ZNF451: variants seen among roughly 807,000 people sequenced by gnomAD.
ZNF451 encodes the protein E3 SUMO-protein ligase ZNF451.
ZNF451 carries 80 observed loss-of-function variants against 107.1 expected under a neutral mutation model. That is an observed-to-expected ratio of 0.75 (90% CI 0.62 to 0.90). ZNF451 has a LOEUF of 0.90. Ranked by LOEUF, ZNF451 falls within the 40% of genes least tolerant of loss-of-function variation. ZNF451 has a pLI of 0.00. For synonymous variants in ZNF451, 362 were observed against 406.5 expected, an observed-to-expected ratio of 0.89 and a Z score of 1.32; for missense variants, 1,107 against 1,236.2, an observed-to-expected ratio of 0.90 and a Z score of 1.57.
intron 2 of ZNF451, among the ~76,000 whole-genome samples, chr6:57,095,884 C>T (rs978901090): frequency 6.6e-6 from 1 of 150,634 alleles, no homozygotes; most frequent in Non-Finnish European, 1.5e-5. Context: ...AGTGCACTGG[C>T]GTGATCTCAG....
chr6:57,106,540 A>G (rs895367966), intron 3 of ZNF451: 3 of 912,560 alleles, frequency 3.3e-6, no homozygotes, highest in Non-Finnish European at 3.9e-6. Context: ...TCCTGACCTC[A>G]AGTGATCCGC....
At chr6:57,144,341 A>G (rs1324326555) in intron 9 of ZNF451, among the ~76,000 whole-genome samples, 1 of 148,672 alleles carries the variant, frequency 6.7e-6, no homozygotes, top group Non-Finnish European at 1.5e-5. Context: ...CCCAAGTTCA[A>G]GTGATTCTCG....
intron 12 of ZNF451, among the ~76,000 whole-genome samples, chr6:57,153,039 G>A (rs1832422455): frequency 6.6e-6 from 1 of 152,102 alleles, no homozygotes; most frequent in African/African-American, 2.4e-5. Context: ...CTGCCAAACT[G>A]AGACCCACTT....
chr6:57,111,165 C>T (rs915262690), intron 3 of ZNF451, among the ~76,000 whole-genome samples: 3 of 152,122 alleles, frequency 2.0e-5, no homozygotes, highest in African/African-American at 7.2e-5. Flanking sequence ...AAGTGATCTG[C>T]CCACTTTGGC....
At chr6:57,160,404 G>C (rs1272193544) in intron 13 of ZNF451, among the ~76,000 whole-genome samples, 2 of 151,734 alleles carry the variant, frequency 1.3e-5, no homozygotes, top group East Asian at 1.9e-4. Flanking sequence ...CGTGATCTCA[G>C]CTCACTGCAA....
intron 4 of ZNF451, 21 bp from the exon 5 acceptor site, chr6:57,128,708 G>GT: frequency 1.9e-6 from 3 of 1,564,896 alleles, no homozygotes; most frequent in Non-Finnish European, 2.6e-6. Flanking sequence ...TCTTAATTGA[G>GT]TTTTTTCTTA....
chr6:57,109,457 A>C, intron 3 of ZNF451: 3 of 985,464 alleles, frequency 3.0e-6, no homozygotes, highest in Non-Finnish European at 2.4e-6. Flanking sequence ...CTCTCAAATG[A>C]GGTAATATCC....
At chr6:57,135,721 A>C (rs1352569007) in intron 7 of ZNF451, among the ~76,000 whole-genome samples, 1 of 152,130 alleles carries the variant, frequency 6.6e-6, no homozygotes, top group Admixed American at 6.5e-5. Flanking sequence ...TAATTTAATA[A>C]ATTTCCCATT....
At chr6:57,151,589 AT>A (rs1304576028) in intron 11 of ZNF451, among the ~76,000 whole-genome samples, 3 of 152,002 alleles carry the variant, frequency 2.0e-5, no homozygotes, top group Non-Finnish European at 1.5e-5. Flanking sequence ...AAATAGCAGA[AT>A]TATTTGGCCT....
chr6:57,090,651 G>A, intron 1 of ZNF451, 160 bp from the exon 2 acceptor site: 2 of 118,012 alleles, frequency 1.7e-5, no homozygotes, highest in Non-Finnish European at 2.8e-5. Context: ...TCTGTGGCAA[G>A]AGCCAGAGCT....
At chr6:57,105,076 G>T in intron 3 of ZNF451, 2 of 985,354 alleles carry the variant, frequency 2.0e-6, no homozygotes, top group Non-Finnish European at 2.4e-6. Flanking sequence ...TTGGTCTAGG[G>T]AGATTACCCC....
intron 3 of ZNF451, among the ~76,000 whole-genome samples, chr6:57,112,872 T>C (rs1830173853): frequency 6.6e-6 from 1 of 152,184 alleles, no homozygotes; most frequent in Non-Finnish European, 1.5e-5. Flanking sequence ...TTTCTGAAAT[T>C]AGTAATAATG....
intron 3 of ZNF451, among the ~76,000 whole-genome samples, chr6:57,111,670 C>A (rs1830122914): frequency 6.6e-6 from 1 of 152,094 alleles, no homozygotes; most frequent in Non-Finnish European, 1.5e-5. Context: ...TGTGAGCCAC[C>A]ACGCCTGGCC....
At chr6:57,136,343 A>G (rs1021761933) in intron 7 of ZNF451, among the ~76,000 whole-genome samples, 1 of 152,094 alleles carries the variant, frequency 6.6e-6, no homozygotes, top group Non-Finnish European at 1.5e-5. Context: ...TTTTTTTTAG[A>G]GACCCTGAAG....
intron 7 of ZNF451, 151 bp from the exon 8 acceptor site, chr6:57,141,151 A>G (rs1489951191): frequency 1.4e-6 from 1 of 700,830 alleles, no homozygotes. Flanking sequence ...TAAAAGTTCC[A>G]TAATTCACAC....
At chr6:57,106,891 A>G in intron 3 of ZNF451, 2 of 955,962 alleles carry the variant, frequency 2.1e-6, no homozygotes, top group Non-Finnish European at 2.5e-6. Flanking sequence ...ATTGAATGCA[A>G]ATCTTTTTAT....
chr6:57,102,658 A>G, intron 3 of ZNF451: 7 of 985,514 alleles, frequency 7.1e-6, no homozygotes, highest in Non-Finnish European at 8.4e-6. Context: ...AAGCTCTGTG[A>G]GACTTCAGAA....
chr6:57,159,719 G>C (rs1037194438), intron 13 of ZNF451, among the ~76,000 whole-genome samples: 5 of 151,922 alleles, frequency 3.3e-5, no homozygotes, highest in Non-Finnish European at 7.4e-5. Flanking sequence ...CTAAAACACT[G>C]CTTGAAATAT....
At chr6:57,136,883 G>A (rs1831455552) in intron 7 of ZNF451, among the ~76,000 whole-genome samples, 1 of 152,056 alleles carries the variant, frequency 6.6e-6, no homozygotes, top group South Asian at 2.1e-4. Context: ...TCTCTAGGAA[G>A]TAGATTTATG....
Sources: gnomAD v4.1 joint callset for allele counts (sites outside exome capture counted in the v4.1 genomes callset) on GRCh38, gnomAD v4.1.1 for gene constraint, MANE v1.5 for transcripts, NCBI Gene and HGNC (gene_info 2026-07-23, HGNC 2026-07-21) for gene names.